S100Z: variants seen among roughly 807,000 people sequenced by gnomAD.
S100Z encodes the protein S100 calcium binding protein Z, also known as protein S100-Z.
S100Z carries 11 observed loss-of-function variants against 8.5 expected under a neutral mutation model. That is an observed-to-expected ratio of 1.30 (90% CI 0.82 to 2.15). S100Z has a LOEUF of 2.15. Ranked by LOEUF, S100Z falls within the 30% of genes most tolerant of loss-of-function variation. The pLI, the probability that S100Z is intolerant of heterozygous loss-of-function variation, is 0.00. For missense variants in S100Z, 126 were observed against 117.9 expected (o/e 1.07, Z -0.32); for synonymous variants, 34 against 43.8 (o/e 0.78, Z 0.89).
intron 1 of S100Z, among the ~76,000 whole-genome samples, chr5:76,859,598 T>C (rs561642692): frequency 6.6e-6 from 1 of 151,810 alleles, no homozygotes; most frequent in African/African-American, 2.4e-5. Context: ...CTGGCCAACA[T>C]GATGAAACCC....
chr5:76,868,514 A>G (rs554154306), intron 1 of S100Z, among the ~76,000 whole-genome samples: 1 of 148,016 alleles, frequency 6.8e-6, no homozygotes, highest in Admixed American at 6.8e-5. Context: ...TGATATAAAT[A>G]TAATACTGTT....
At position 76,875,414 on chromosome 5, in the gene S100Z, T is replaced by C; in HGVS notation, c.55T>C (p.Tyr19His). 1 of 1,613,324 alleles carries C rather than the reference T, an allele frequency of 6.2e-7. No homozygotes were observed. Among genetic ancestry groups the C allele is most frequent in the Non-Finnish European group, 8.5e-7 (1 of 1,179,694 alleles). Residue 19 changes from tyrosine to histidine, a missense_variant, in exon 3 of 5, where the codon TAT (tyrosine) becomes CAT (histidine). By Grantham distance (83) the Tyr-to-His change is moderately conservative. Coordinates refer to ENST00000317593, the MANE Select transcript of S100Z (RefSeq NM_130772.4). The stretch of plus-strand genomic sequence containing the variant: ...CACCATGATTAGAATCTTCCACCGC[T>C]ATTCTGGCAAGGAAAGGAAGAGATT... ...MDTMIRIFHRYSGKERKRFKL... is the reference protein window; with the variant it reads ...MDTMIRIFHRHSGKERKRFKL...
intron 4 of S100Z, among the ~76,000 whole-genome samples, chr5:76,893,774 C>G (rs541805599): frequency 6.6e-6 from 1 of 152,240 alleles, no homozygotes; most frequent in African/African-American, 2.4e-5. Flanking sequence ...GGCATATGAC[C>G]TTTCTGGAGA....
At chr5:76,911,377 C>T (rs1744652436) in intron 4 of S100Z, among the ~76,000 whole-genome samples, 1 of 152,166 alleles carries the variant, frequency 6.6e-6, no homozygotes, top group Non-Finnish European at 1.5e-5. Flanking sequence ...ACCCCTATAG[C>T]CTGCTCTCCC....
chr5:76,869,073 G>T (rs754453419), intron 1 of S100Z, among the ~76,000 whole-genome samples: 1 of 152,190 alleles, frequency 6.6e-6, no homozygotes, highest in Non-Finnish European at 1.5e-5. Context: ...GGAATCTTAT[G>T]TTTCCCTCTC....
the S100Z span, among the ~76,000 whole-genome samples, chr5:76,930,617 T>C: frequency 6.6e-6 from 1 of 152,174 alleles, no homozygotes; most frequent in African/African-American, 2.4e-5. Flanking sequence ...TTAGAAAAGA[T>C]GCAATCACTC....
At chr5:76,901,698 C>T (rs749540252) in intron 4 of S100Z, among the ~76,000 whole-genome samples, 3 of 152,166 alleles carry the variant, frequency 2.0e-5, no homozygotes, top group Admixed American at 6.5e-5. Context: ...TCCCAAGAAC[C>T]CTCATGGTGC....
intron 1 of S100Z, among the ~76,000 whole-genome samples, chr5:76,857,190 G>A (rs1750905969): frequency 6.6e-6 from 1 of 152,104 alleles, no homozygotes; most frequent in Non-Finnish European, 1.5e-5. Context: ...TAGTCGGGAG[G>A]CTGAGGCAGG....
chr5:76,909,284 G>A (rs1744567002), intron 4 of S100Z, among the ~76,000 whole-genome samples: 1 of 151,986 alleles, frequency 6.6e-6, no homozygotes, highest in South Asian at 2.1e-4. Context: ...TAAGCCAATG[G>A]GACCAATTTG....
At chr5:76,877,915 G>A in intron 4 of S100Z, 81 bp downstream of exon 4, 8 of 870,146 alleles carry the variant, frequency 9.2e-6, no homozygotes, top group Non-Finnish European at 1.3e-5. Context: ...CAGATCTATA[G>A]ACCCAGTAAT....
intron 4 of S100Z, among the ~76,000 whole-genome samples, chr5:76,916,152 C>A (rs1744848230): frequency 7.3e-6 from 1 of 137,334 alleles, no homozygotes; most frequent in African/African-American, 3.0e-5. Flanking sequence ...CAGAGTGAGA[C>A]TCCATCTCAA....
chr5:76,862,131 G>GTGTT, intron 1 of S100Z, among the ~76,000 whole-genome samples: 1 of 62,582 alleles, frequency 1.6e-5, no homozygotes, highest in South Asian at 3.2e-4. Flanking sequence ...AGGAGTGTGC[G>GTGTT]TGTGTGTGTG....
chr5:76,950,314 G>A, the S100Z span, among the ~76,000 whole-genome samples: 2 of 152,206 alleles, frequency 1.3e-5, no homozygotes, highest in Non-Finnish European at 2.9e-5. Flanking sequence ...TAATGTGACT[G>A]TGAAAGCCAA....
At chr5:76,867,596 CT>C (rs746426436) in intron 1 of S100Z, among the ~76,000 whole-genome samples, 2,039 of 126,634 alleles carry the variant, frequency 0.016, 41 homozygotes, top group African/African-American at 0.053. Flanking sequence ...TTTTTTTTTT[CT>C]TTTTTTTTTT....
At chr5:76,939,150 A>ATTT in the S100Z span, among the ~76,000 whole-genome samples, 1 of 145,784 alleles carries the variant, frequency 6.9e-6, no homozygotes, top group Non-Finnish European at 1.5e-5. Context: ...GGGGCTGCAA[A>ATTT]TTTTTTTTTT....
intron 4 of S100Z, among the ~76,000 whole-genome samples, chr5:76,886,997 A>C (rs556350619): frequency 1.3e-5 from 2 of 152,256 alleles, no homozygotes; most frequent in African/African-American, 4.8e-5. Context: ...ATGATGGCTT[A>C]GCTTGGGCTC....
At chr5:76,912,196 C>T (rs1358942277) in intron 4 of S100Z, among the ~76,000 whole-genome samples, 1 of 152,194 alleles carries the variant, frequency 6.6e-6, no homozygotes, top group Non-Finnish European at 1.5e-5. Flanking sequence ...TTATGGGTAT[C>T]AGACATCCGC....
intron 1 of S100Z, among the ~76,000 whole-genome samples, chr5:76,856,257 T>C (rs1403473477): frequency 6.6e-6 from 1 of 152,320 alleles, no homozygotes; most frequent in East Asian, 1.9e-4. Context: ...AGTGGCATGA[T>C]ATTGGCTCAC....
At chr5:76,944,483 G>A in the S100Z span, among the ~76,000 whole-genome samples, 1 of 152,138 alleles carries the variant, frequency 6.6e-6, no homozygotes, top group African/African-American at 2.4e-5. Context: ...AAAAAATACT[G>A]AGTACACAAC....
Sources: gnomAD v4.1 joint callset for allele counts (sites outside exome capture counted in the v4.1 genomes callset) on GRCh38, gnomAD v4.1.1 for gene constraint, MANE v1.5 for transcripts, NCBI Gene and HGNC (gene_info 2026-07-23, HGNC 2026-07-21) for gene names.